Variants in RBKS observed in about 807,000 individuals in gnomAD.
The protein encoded by RBKS is ribokinase.
RBKS carries 33 observed loss-of-function variants against 33.9 expected under a neutral mutation model. The observed-to-expected ratio is 0.97, with a 90% CI of 0.74 to 1.30. The LOEUF (loss-of-function observed/expected upper bound fraction) is 1.30. RBKS is among the 50% of genes most tolerant of loss of function. The probability of loss-of-function intolerance (pLI) is 0.00; values close to 1 mark genes in which losing one functional copy is unlikely to be tolerated. For synonymous variants in RBKS, 125 were observed against 143.0 expected, an observed-to-expected ratio of 0.87 and a Z score of 0.90; for missense variants, 361 against 392.6, an observed-to-expected ratio of 0.92 and a Z score of 0.68.
intron 1 of RBKS, among the ~76,000 whole-genome samples, chr2:27,862,684 C>T (rs1340231532): frequency 6.6e-6 from 1 of 152,120 alleles, no homozygotes; most frequent in Non-Finnish European, 1.5e-5. Flanking sequence ...GCTCTTGACT[C>T]GGGGGTTATA....
chr2:27,824,637 G>C (rs1177501326), intron 7 of RBKS, among the ~76,000 whole-genome samples: 2 of 152,006 alleles, frequency 1.3e-5, no homozygotes, highest in Non-Finnish European at 2.9e-5. Flanking sequence ...ATAAACACTG[G>C]GTTCTTTCCA....
intron 2 of RBKS, among the ~76,000 whole-genome samples, chr2:27,848,858 T>C (rs940752818): frequency 1.4e-5 from 2 of 141,020 alleles, no homozygotes; most frequent in South Asian, 4.5e-4. Flanking sequence ...AAAAAAAAAG[T>C]GTGTTCCACC....
intron 2 of RBKS, among the ~76,000 whole-genome samples, chr2:27,851,090 G>T (rs1174856715): frequency 6.6e-6 from 1 of 152,182 alleles, no homozygotes; most frequent in Non-Finnish European, 1.5e-5. Flanking sequence ...TGTCCTGCAG[G>T]TGAGCATTAC....
chr2:27,861,553 G>C, intron 1 of RBKS: 1 of 470,568 alleles, frequency 2.1e-6, no homozygotes, highest in South Asian at 1.5e-5. Flanking sequence ...TCTCCTACAA[G>C]GCAAAATCAA....
intron 6 of RBKS, among the ~76,000 whole-genome samples, chr2:27,829,602 C>T (rs866531564): frequency 4.6e-5 from 7 of 151,706 alleles, no homozygotes; most frequent in African/African-American, 1.2e-4. Context: ...CTCCTGACCT[C>T]GTGATCCACC....
At chr2:27,850,993 C>T (rs1337426181) in intron 2 of RBKS, among the ~76,000 whole-genome samples, 1 of 152,164 alleles carries the variant, frequency 6.6e-6, no homozygotes, top group Non-Finnish European at 1.5e-5. Flanking sequence ...ACCTAGCCTA[C>T]TGCAATTTCT....
chr2:27,881,807 A>C (rs1440615148), intron 1 of RBKS, among the ~76,000 whole-genome samples: 1 of 152,148 alleles, frequency 6.6e-6, no homozygotes, highest in African/African-American at 2.4e-5. Flanking sequence ...AGATAAAAAC[A>C]AGCAATGGAG....
At chr2:27,883,870 T>C (rs1427017803) in intron 1 of RBKS, among the ~76,000 whole-genome samples, 4 of 152,298 alleles carry the variant, frequency 2.6e-5, no homozygotes, top group African/African-American at 9.6e-5. Context: ...CATAATTTTT[T>C]AATGTATATT....
At chr2:27,883,873 T>A (rs910615018) in intron 1 of RBKS, among the ~76,000 whole-genome samples, 6 of 152,176 alleles carry the variant, frequency 3.9e-5, no homozygotes, top group Non-Finnish European at 8.8e-5. Context: ...AATTTTTTAA[T>A]GTATATTTTC....
intron 7 of RBKS, among the ~76,000 whole-genome samples, chr2:27,790,225 C>T (rs1281763984): frequency 6.6e-6 from 1 of 151,958 alleles, no homozygotes; most frequent in Non-Finnish European, 1.5e-5. Flanking sequence ...AAAGGGCAGT[C>T]TTTTAAACAA....
chr2:27,878,832 T>C (rs964662891), intron 1 of RBKS, among the ~76,000 whole-genome samples: 1 of 152,240 alleles, frequency 6.6e-6, no homozygotes, highest in Non-Finnish European at 1.5e-5. Context: ...ATGTCTTCTT[T>C]TGAGAAGTGT....
chr2:27,838,834 G>A (rs778297950), intron 5 of RBKS, among the ~76,000 whole-genome samples: 1 of 152,198 alleles, frequency 6.6e-6, no homozygotes, highest in Non-Finnish European at 1.5e-5. Context: ...ATTAATTACA[G>A]TGTCAGATGA....
chr2:27,860,835 T>C (rs1663959929), intron 1 of RBKS, among the ~76,000 whole-genome samples: 2 of 152,246 alleles, frequency 1.3e-5, no homozygotes, highest in South Asian at 4.1e-4. Context: ...TTTCCCTGCA[T>C]GAGGACAGGG....
chr2:27,814,756 G>A (rs1162063083), intron 7 of RBKS, among the ~76,000 whole-genome samples: 1 of 152,168 alleles, frequency 6.6e-6, no homozygotes, highest in Non-Finnish European at 1.5e-5. Flanking sequence ...TAGGGGAGAT[G>A]TACTTCACCT....
Position 27,858,560 on chromosome 2 carries a change from C to A in RBKS, c.101G>T (p.Arg34Leu). 1 of 1,612,826 alleles carries A rather than the reference C, an allele frequency of 6.2e-7. No individual in the cohort carries two copies. Among genetic ancestry groups the A allele is most frequent in the East Asian group, 2.2e-5 (1 of 44,862 alleles). ...CMTDLVSLTSRLPKTGETIHG... is the reference protein window; with the variant it reads ...CMTDLVSLTSLLPKTGETIHG... Reference sequence around the variant, plus strand: ...GATGGTTTCTCCAGTTTTTGGCAAACGAGAAGTAAGACTATTGTAATTTAA... The same window carrying A: ...GATGGTTTCTCCAGTTTTTGGCAAAAGAGAAGTAAGACTATTGTAATTTAA... Residue 34 changes from arginine to leucine, a missense_variant, in exon 2 of 8, where the codon CGT becomes CTT. Arg to Leu is a moderately radical substitution (Grantham distance 102). Coordinates refer to ENST00000302188, the MANE Select transcript of RBKS (RefSeq NM_022128.3).
rs1336610865 is a variant in RBKS, at chr2:27,883,491, G to A, written c.89+6766C>T. 2.7e-5 allele frequency among the ~76,000 whole-genome samples: 4 copies of A among 150,062 alleles called. No homozygotes were observed. In the South Asian group the frequency reaches 6.4e-4, roughly 24 times the overall value. On this transcript the variant is annotated intron_variant, in intron 1 of 7. Coordinates refer to ENST00000302188, the MANE Select transcript of RBKS (RefSeq NM_022128.3). ...TGGGATTACAGGCGTGAGACACCAC[G>A]CCCAGCCTCCTAACTGCAGTATTCT...
intron 7 of RBKS, among the ~76,000 whole-genome samples, chr2:27,802,435 TGTG>T (rs2148189807): frequency 1.2e-5 from 1 of 83,232 alleles, no homozygotes; most frequent in Admixed American, 1.6e-4. Context: ...TATGTTTGTG[TGTG>T]TGTGTGTGTG....
intron 1 of RBKS, chr2:27,870,500 G>A (rs1664182575): frequency 4.7e-6 from 1 of 212,992 alleles, no homozygotes; most frequent in African/African-American, 2.3e-5. Context: ...TCTCACTTGT[G>A]TGTGTGAGAG....
chr2:27,813,406 C>T (rs1044767293), intron 7 of RBKS, among the ~76,000 whole-genome samples: 1 of 151,902 alleles, frequency 6.6e-6, no homozygotes, highest in Non-Finnish European at 1.5e-5. Context: ...TAAGAATCTA[C>T]CATATGAAAG....
Sources: gnomAD v4.1 joint callset for allele counts (sites outside exome capture counted in the v4.1 genomes callset) on GRCh38, gnomAD v4.1.1 for gene constraint, MANE v1.5 for transcripts, NCBI Gene and HGNC (gene_info 2026-07-23, HGNC 2026-07-21) for gene names.